Variants in CTBP2 observed in about 807,000 individuals in gnomAD.
CTBP2 encodes C-terminal binding protein 2.
Under a neutral mutation model 80.3 loss-of-function variants are expected in CTBP2, and 30 were observed. The observed-to-expected ratio is 0.37, with a 90% CI of 0.28 to 0.51. The LOEUF (loss-of-function observed/expected upper bound fraction) is 0.51, where lower values mean the gene tolerates loss of function less well. CTBP2 is among the 20% of genes least tolerant of loss of function. The pLI, the probability that CTBP2 is intolerant of heterozygous loss-of-function variation, is 0.93. For missense variants in CTBP2, 1,212 were observed against 1,375.3 expected (o/e 0.88, Z 1.88); for synonymous variants, 594 against 587.4 (o/e 1.01, Z -0.16).
intron 1 of CTBP2, chr10:125,159,820 G>T (rs1861628283): frequency 6.6e-6 from 1 of 150,832 alleles, no homozygotes; most frequent in Non-Finnish European, 1.5e-5. Context: ...TCGCGCGCTC[G>T]GCCTGGGTCG....
chr10:125,119,359 G>T (rs143923610), intron 1 of CTBP2, among the ~76,000 whole-genome samples: 175 of 152,276 alleles, frequency 1.1e-3, no homozygotes, highest in Non-Finnish European at 1.8e-3. Flanking sequence ...GTAAACTTGA[G>T]ATTCCATGCC....
At position 124,985,188 on chromosome 10, in the gene CTBP2, T is replaced by C; in HGVS notation, c.*4330A>G. 6.1e-6 allele frequency: 3 copies of C among 494,298 alleles called. No individual in the cohort carries two copies. Among genetic ancestry groups the C allele is most frequent in the Non-Finnish European group, 1.1e-5 (3 of 281,526 alleles). The allele number at this position is 494,298 out of a possible 1,614,324, so 30.6% of individuals were successfully genotyped here. A position where few individuals can be genotyped will look rare whatever the true frequency, so the allele number is the denominator to read the frequency against. On this transcript the variant is annotated 3_prime_UTR_variant, in exon 9 of 9. Coordinates refer to ENST00000309035, the MANE Select transcript of CTBP2 (RefSeq NM_022802.3). The stretch of plus-strand genomic sequence containing the variant: ...GCGTGAGGAGACAGAGAACTTTAGT[T>C]GGACTACAGTTTGTAAAAAAAACTA...
chr10:125,044,275 G>C (rs1443062192), intron 2 of CTBP2, among the ~76,000 whole-genome samples: 1 of 152,208 alleles, frequency 6.6e-6, no homozygotes, highest in Non-Finnish European at 1.5e-5. Context: ...TGAGGAGACA[G>C]CAACAGTCCA....
intron 2 of CTBP2, among the ~76,000 whole-genome samples, chr10:125,067,505 C>G (rs552893955): frequency 1.2e-4 from 19 of 152,140 alleles, no homozygotes; most frequent in Non-Finnish European, 2.8e-4. Context: ...CTCCATGTAA[C>G]CTTCTAGACG....
chr10:124,994,108 C>G lies in CTBP2; in HGVS notation c.2401-123G>C, dbSNP rs1468968005. On this transcript the variant is annotated intron_variant, in intron 5 of 8. Coordinates refer to ENST00000309035, the MANE Select transcript of CTBP2 (RefSeq NM_022802.3). ...GTCTGGTGGTTTAATGTGTGTGCTGCAGTTTGAGGGAAGGGAGTGGGAAGT... is the reference window on the plus strand; with the variant it reads ...GTCTGGTGGTTTAATGTGTGTGCTGGAGTTTGAGGGAAGGGAGTGGGAAGT... 6.0e-6 allele frequency: 8 copies of G among 1,339,046 alleles called. No individual in the cohort carries two copies. The East Asian group carries it at 1.6e-4, about 27-fold the overall frequency. 82.9% of individuals were successfully genotyped at this position (1,339,046 alleles called of 1,614,324 possible).
intron 7 of CTBP2, 37 bp downstream of exon 9, chr10:124,993,165 G>A: frequency 6.3e-7 from 1 of 1,577,238 alleles, no homozygotes; most frequent in Non-Finnish European, 8.7e-7. Context: ...TGGAGCTGAG[G>A]CTGCCCTTGG....
chr10:125,112,176 G>T (rs549470705), intron 1 of CTBP2, among the ~76,000 whole-genome samples: 2 of 137,962 alleles, frequency 1.4e-5, no homozygotes, highest in South Asian at 2.4e-4. Context: ...GCAATGGCGC[G>T]ATCTCGGCTC....
chr10:125,011,140 G>A (rs1955847526), intron 1 of CTBP2, among the ~76,000 whole-genome samples: 8 of 152,214 alleles, frequency 5.3e-5, no homozygotes, highest in Admixed American at 4.6e-4. Flanking sequence ...TGTTTGGGGT[G>A]CCCCACACCA....
chr10:125,027,897 T>G lies in CTBP2; in HGVS notation c.-138A>C. 1 of 1,426,430 alleles carries G rather than the reference T, an allele frequency of 7.0e-7. No homozygotes were observed. Among genetic ancestry groups the G allele is most frequent in the Non-Finnish European group, 9.1e-7 (1 of 1,094,480 alleles). The allele number at this position is 1,426,430 out of a possible 1,614,324, so 88.4% of individuals were successfully genotyped here. Reference sequence around the variant, plus strand: ...GACAACCAACTGGGGGTTTTCTGTTTCAAAGCATGGCCTGAATTATTAATC... The same window carrying G: ...GACAACCAACTGGGGGTTTTCTGTTGCAAAGCATGGCCTGAATTATTAATC... On this transcript the variant is annotated 5_prime_UTR_variant, in exon 1 of 9. Transcript: ENST00000309035.
At chr10:125,136,119 G>A (rs1565008871) in intron 1 of CTBP2, among the ~76,000 whole-genome samples, 1 of 152,208 alleles carries the variant, frequency 6.6e-6, no homozygotes, top group African/African-American at 2.4e-5. Context: ...ATTAAGCTGG[G>A]ATCTTTTTTC....
intron 2 of CTBP2, among the ~76,000 whole-genome samples, chr10:125,109,032 T>A (rs962776043): frequency 6.6e-6 from 1 of 152,250 alleles, no homozygotes; most frequent in African/African-American, 2.4e-5. Flanking sequence ...TGTTAACTCA[T>A]CTGTCTGAGA....
chr10:125,050,724 G>A (rs546642982), intron 2 of CTBP2, among the ~76,000 whole-genome samples: 6 of 152,296 alleles, frequency 3.9e-5, no homozygotes, highest in East Asian at 1.9e-4. Context: ...TTCCAGTCCC[G>A]GTCTCCAGGT....
At chr10:125,032,324 C>T (rs1477033988), upstream of CTBP2, among the ~76,000 whole-genome samples, 2 of 152,224 alleles carry the variant, frequency 1.3e-5, no homozygotes, top group Non-Finnish European at 1.5e-5. Context: ...TTCCCAAAGT[C>T]TCCACCTCAC....
upstream of CTBP2, among the ~76,000 whole-genome samples, chr10:125,161,930 C>T (rs1181384783): frequency 6.6e-6 from 1 of 152,134 alleles, no homozygotes; most frequent in East Asian, 1.9e-4. Context: ...AATCCAGGCC[C>T]AGCGGCCGCT....
chr10:125,053,093 A>G (rs1965802), intron 2 of CTBP2, among the ~76,000 whole-genome samples: 16 of 144,916 alleles, frequency 1.1e-4, no homozygotes, highest in East Asian at 2.0e-4. Context: ...AAGAGAGAGA[A>G]AAAAAAAGAA....
At chr10:124,996,570 TA>T (rs1165648287) in intron 4 of CTBP2, 1 of 151,750 alleles carries the variant, frequency 6.6e-6, no homozygotes, top group Non-Finnish European at 1.5e-5. Context: ...AGAGGGTTTT[TA>T]AAGTTGAATG....
intron 2 of CTBP2, among the ~76,000 whole-genome samples, chr10:125,070,099 C>T (rs1845236442): frequency 2.0e-5 from 3 of 151,946 alleles, no homozygotes; most frequent in Non-Finnish European, 4.4e-5. Context: ...GGCCTGTAGT[C>T]CCAGCACTTT....
chr10:125,075,822 C>T (rs775073272), intron 2 of CTBP2, among the ~76,000 whole-genome samples: 4 of 152,192 alleles, frequency 2.6e-5, no homozygotes, highest in Admixed American at 2.0e-4. Context: ...AACTCCCATG[C>T]GCAGCTGGCA....
At chr10:125,105,068 ACAGTGCACTG>A (rs1851248162) in intron 2 of CTBP2, among the ~76,000 whole-genome samples, 6 of 152,314 alleles carry the variant, frequency 3.9e-5, no homozygotes, top group Admixed American at 3.9e-4. Flanking sequence ...GGGTGTGATC[ACAGTGCACTG>A]CAGACGTGAG....
Sources: gnomAD v4.1 joint callset for allele counts (sites outside exome capture counted in the v4.1 genomes callset) on GRCh38, gnomAD v4.1.1 for gene constraint, MANE v1.5 for transcripts, NCBI Gene and HGNC (gene_info 2026-07-23, HGNC 2026-07-21) for gene names.